Variants in ITLN2 observed in about 807,000 individuals in gnomAD.
The protein encoded by ITLN2 is intelectin-2.
A neutral mutation model predicts 39.4 loss-of-function variants in ITLN2; 29 were observed. That is an observed-to-expected ratio of 0.74 (90% CI 0.55 to 1.00). ITLN2 has a LOEUF of 1.00. Ranked by LOEUF, ITLN2 falls within the 50% of genes least tolerant of loss-of-function variation. The pLI, the probability that ITLN2 is intolerant of heterozygous loss-of-function variation, is 0.00. For synonymous variants in ITLN2, 156 were observed against 153.4 expected, an observed-to-expected ratio of 1.02 and a Z score of -0.12; for missense variants, 412 against 416.7, an observed-to-expected ratio of 0.99 and a Z score of 0.10.
rs1199053490 is a variant in ITLN2, at chr1:160,950,503, C to T, written c.600+50G>A. ...GATCTGCCCCCTACCCTAGACACTT[C>T]GATCTCTGTTCACCAAAGAAAGTGC... On this transcript the variant is annotated intron_variant, in intron 5 of 7. Coordinates refer to ENST00000368029, the MANE Select transcript of ITLN2 (RefSeq NM_080878.3). 20 of 1,590,396 alleles carry T rather than the reference C, an allele frequency of 1.3e-5. 1 individual carries two copies. Among genetic ancestry groups the T allele is most frequent in the South Asian group, 8.1e-5 (7 of 86,738 alleles).
Position 160,951,197 on chromosome 1 carries a change from C to T in ITLN2, c.287G>A (p.Ser96Asn), listed in dbSNP as rs745852906. ...CCCACGCATGTCATTCTCGTGCACG[C>T]TGGCCACCAGGGTCCAGCCGCCACC... ...SGGGGWTLVASVHENDMRGKC... is the reference protein window; with the variant it reads ...SGGGGWTLVANVHENDMRGKC... The change falls in exon 4 of 8, where the codon AGC (serine) becomes AAC (asparagine). Residue 96 changes from serine to asparagine, a missense_variant. Coordinates refer to ENST00000368029, the MANE Select transcript of ITLN2 (RefSeq NM_080878.3). The T allele has an allele frequency of 6.2e-7, 1 of 1,614,092 alleles. No homozygotes were observed. The highest frequency in any genetic ancestry group is 1.1e-5 in the South Asian group (1 of 91,080).
At position 160,954,340 on chromosome 1, in the gene ITLN2, G is replaced by C. The variant is rs1671815750; in HGVS notation, c.79+47C>G. 6 of 1,382,338 alleles carry C rather than the reference G, an allele frequency of 4.3e-6. No individual in the cohort carries two copies. The South Asian group carries it at 7.5e-5, about 17-fold the overall frequency. 85.6% of individuals were successfully genotyped at this position (1,382,338 alleles called of 1,614,324 possible). The stretch of plus-strand genomic sequence containing the variant: ...TACTCCCTCCAGGCCCTGCACAGCA[G>C]AGGGGAGCCCAGGAAACTGCAGCTC... On this transcript the variant is annotated intron_variant, in intron 2 of 7. Transcript: ENST00000368029.
In ITLN2 at chr1:160,945,126, C is replaced by G. The variant is rs1056192888; in HGVS notation, c.*14G>C. 4 of 1,562,118 alleles carry G rather than the reference C, an allele frequency of 2.6e-6. No homozygotes were observed. The highest frequency in any genetic ancestry group is 2.4e-5 in the East Asian group (1 of 41,282). ...GGAAGATGGGTTCTCGCCCTGACAC[C>G]GCAGAGCTCTGTCTCATCTATAGAA... On this transcript the variant is annotated 3_prime_UTR_variant, in exon 8 of 8. Transcript: ENST00000368029.
chr1:160,950,774 A>G (rs1671723959), intron 4 of ITLN2, 63 bp from the exon 5 acceptor site: 7 of 1,568,386 alleles, frequency 4.5e-6, no homozygotes, highest in Admixed American at 3.6e-5. Flanking sequence ...GAAGGTCCAC[A>G]TGTGCAGCCT....
In ITLN2 at chr1:160,945,236, G is replaced by T. The variant is rs1317859614; in HGVS notation, c.882C>A (p.Asp294Glu). 1 of 1,605,618 alleles carries T rather than the reference G, an allele frequency of 6.2e-7. No individual in the cohort carries two copies. ...ATCCATCCCAGTCAAAGGCGGAGAAGTCCCCACACTGACGGGGTTTGCCCT... is the reference window on the plus strand; with the variant it reads ...ATCCATCCCAGTCAAAGGCGGAGAATTCCCCACACTGACGGGGTTTGCCCT... The part of the protein sequence containing the change: ...FPQGKPRQCG[D>E]FSAFDWDGYG... The change falls in exon 8 of 8, where the codon GAC becomes GAA. Residue 294 changes from aspartate (D) to glutamate (E), a missense_variant. Coordinates refer to ENST00000368029, the MANE Select transcript of ITLN2 (RefSeq NM_080878.3).
chr1:160,954,782 C>A lies in ITLN2; in HGVS notation c.-41G>T, dbSNP rs1246609361. ...GAGCTGATAGTTCCCTTCCTGTGGA[C>A]ACTCGGAGCTCCCCTGCAGAGGATC... is the stretch of plus-strand genomic sequence containing the variant. On this transcript the variant is annotated 5_prime_UTR_variant, in exon 1 of 8. Transcript: ENST00000368029. The A allele has an allele frequency of 1.2e-6, 2 of 1,610,622 alleles. No individual in the cohort carries two copies. Among genetic ancestry groups the A allele is most frequent in the African/African-American group, 1.3e-5 (1 of 74,834 alleles).
intron 1 of ITLN2, 25 bp from the exon 2 acceptor site, chr1:160,954,475 G>T: frequency 6.5e-7 from 1 of 1,549,260 alleles, no homozygotes; most frequent in Non-Finnish European, 8.8e-7. Flanking sequence ...GATGCACAAG[G>T]TCACTGGCTG....
chr1:160,954,508 G>C, intron 1 of ITLN2, 58 bp from the exon 2 acceptor site: 1 of 1,409,956 alleles, frequency 7.1e-7, no homozygotes, highest in African/African-American at 1.4e-5. Flanking sequence ...TCATCCTCTC[G>C]TTCTTACTTC....
intron 7 of ITLN2, among the ~76,000 whole-genome samples, chr1:160,946,445 C>T (rs1671602761): frequency 6.6e-6 from 1 of 152,076 alleles, no homozygotes; most frequent in South Asian, 2.1e-4. Flanking sequence ...GGCGTGGTGG[C>T]TCACGCCAGT....
At position 160,945,152 on chromosome 1, in the gene ITLN2, C is replaced by T. The variant is rs760988993; in HGVS notation, c.966G>A (p.Leu322=). ...GCAGAGCTCTGTCTCATCTATAGAA[C>T]AAGAGTACAGCCGCCTCCGTTATCT... is the stretch of plus-strand genomic sequence containing the variant. The part of the protein sequence containing the change: ...SREITEAAVL[L]FYR The change falls in exon 8 of 8, where the codon TTG becomes TTA. Residue 322 remains leucine, a synonymous_variant. Transcript: ENST00000368029. 36 of 1,598,628 alleles carry T rather than the reference C, an allele frequency of 2.3e-5. No homozygotes were observed. Among genetic ancestry groups the T allele is most frequent in the Non-Finnish European group, 2.9e-5 (34 of 1,176,014 alleles).
Position 160,954,434 on chromosome 1 carries a change from A to G in ITLN2, c.32T>C (p.Leu11Pro). The G allele has an allele frequency of 6.3e-7, 1 of 1,581,090 alleles. No individual in the cohort carries two copies. Among genetic ancestry groups the G allele is most frequent in the Non-Finnish European group, 8.6e-7 (1 of 1,162,050 alleles). MLSMLRTMTR[L>P]CFLLFFSVAT... ...CACAGAGAAGAATAACAGGAAGCAG[A>G]GTCTGGTCATTGTCCTCTAAGGAAA... Residue 11 changes from leucine to proline, a missense_variant, in exon 2 of 8, where the codon CTC becomes CCC. Coordinates refer to ENST00000368029, the MANE Select transcript of ITLN2 (RefSeq NM_080878.3).
rs1424124213 is a variant in ITLN2, at chr1:160,950,052, C to T, written c.715G>A (p.Gly239Ser). The change falls in exon 6 of 8, where the codon GGT becomes AGT. Residue 239 changes from glycine (G) to serine (S), a missense_variant. Coordinates refer to ENST00000368029, the MANE Select transcript of ITLN2 (RefSeq NM_080878.3). ...KKTASYYSPY[G>S]QREFVAGFVQ... is the part of the protein sequence containing the mutation. ...TTAGGGAGCAAACACTCACGTTGACCATACGGTGAGTAATAAGATGCAGTC... is the reference window on the plus strand; with the variant it reads ...TTAGGGAGCAAACACTCACGTTGACTATACGGTGAGTAATAAGATGCAGTC... 1 of 1,613,592 alleles carries T rather than the reference C, an allele frequency of 6.2e-7. No individual in the cohort carries two copies. The highest frequency in any genetic ancestry group is 8.5e-7 in the Non-Finnish European group (1 of 1,179,636).
chr1:160,952,839 A>G (rs1671776386), intron 2 of ITLN2, 106 bp from the exon 3 acceptor site: 1 of 784,558 alleles, frequency 1.3e-6, no homozygotes, highest in Admixed American at 2.1e-5. Flanking sequence ...CTGAAGTCCC[A>G]GGAGGTCAGG....
At position 160,945,399 on chromosome 1, in the gene ITLN2, G is replaced by A. The variant is rs112623080; in HGVS notation, c.826-107C>T. 6.7e-3 allele frequency: 7,151 copies of A among 1,059,640 alleles called. 348 individuals are homozygous for A. The African/African-American group carries it at 0.1, about 15-fold the overall frequency. The allele number at this position is 1,059,640 out of a possible 1,614,324, so 65.6% of individuals were successfully genotyped here. A position where few individuals can be genotyped will look rare whatever the true frequency, so the allele number is the denominator to read the frequency against. On this transcript the variant is annotated intron_variant, in intron 7 of 7. Transcript: ENST00000368029. The stretch of plus-strand genomic sequence containing the variant: ...AGACCTCAAGTTATCCGCCTGCCTC[G>A]GCCTCCCAAAGTGCTAGGATTACAG...
chr1:160,945,880 A>G (rs1313203057), intron 7 of ITLN2, among the ~76,000 whole-genome samples: 2 of 152,344 alleles, frequency 1.3e-5, no homozygotes, highest in South Asian at 2.1e-4. Context: ...CAATAAAAAT[A>G]TAAAGCTTCT....
At chr1:160,952,132 G>A (rs940351123) in intron 3 of ITLN2, among the ~76,000 whole-genome samples, 1 of 152,174 alleles carries the variant, frequency 6.6e-6, no homozygotes, top group Admixed American at 6.6e-5. Flanking sequence ...GAACTTGCTA[G>A]CTATGTGAGT....
At chr1:160,947,019 G>A (rs1204309452) in intron 7 of ITLN2, among the ~76,000 whole-genome samples, 2 of 152,154 alleles carry the variant, frequency 1.3e-5, no homozygotes, top group Non-Finnish European at 2.9e-5. Flanking sequence ...GGGACCAGGG[G>A]ACCAGCACTC....
chr1:160,954,253 T>C (rs1270397456), intron 2 of ITLN2, 134 bp downstream of exon 2: 17 of 695,170 alleles, frequency 2.4e-5, no homozygotes, highest in Non-Finnish European at 4.1e-5. Context: ...CTGCCTAGCC[T>C]GGGTTCCCTG....
chr1:160,954,775 C>T lies in ITLN2; in HGVS notation c.-34G>A. ...ATGCCAGGAGCTGATAGTTCCCTTC[C>T]TGTGGACACTCGGAGCTCCCCTGCA... On this transcript the variant is annotated 5_prime_UTR_variant, in exon 1 of 8. Coordinates refer to ENST00000368029, the MANE Select transcript of ITLN2 (RefSeq NM_080878.3). 1.9e-6 allele frequency: 3 copies of T among 1,612,626 alleles called. No individual in the cohort carries two copies. The South Asian group carries it at 3.3e-5, about 18-fold the overall frequency.
Sources: gnomAD v4.1 joint callset for allele counts (sites outside exome capture counted in the v4.1 genomes callset) on GRCh38, gnomAD v4.1.1 for gene constraint, MANE v1.5 for transcripts, NCBI Gene and HGNC (gene_info 2026-07-23, HGNC 2026-07-21) for gene names.